The following ST18 variants were observed in gnomAD, a reference collection of about 807,000 sequenced individuals.
ST18 encodes the protein ST18 C2H2C-type zinc finger transcription factor.
Under a neutral mutation model 110.0 loss-of-function variants are expected in ST18, and 50 were observed. The ratio of observed to expected loss-of-function variants is 0.45; its 90% CI spans 0.36 to 0.58. The LOEUF (loss-of-function observed/expected upper bound fraction) is 0.58, where lower values mean the gene tolerates loss of function less well. ST18 is among the 20% of genes least tolerant of loss of function. ST18 has a pLI of 0.00. For missense variants in ST18, 1,306 were observed against 1,280.1 expected (o/e 1.02, Z -0.31); for synonymous variants, 461 against 452.4 (o/e 1.02, Z -0.24).
At position 52,266,130 on chromosome 8, in the gene ST18, T is replaced by C. The variant is rs150836101; in HGVS notation, c.-464-36053A>G. The stretch of plus-strand genomic sequence containing the variant: ...TAATGTGGTCAGATACTATTTAAAC[T>C]ATGCAAGAGCAGTTTTGGGAATGGT... On this transcript the variant is annotated intron_variant, in intron 2 of 25. Transcript: ENST00000689386. Among the ~76,000 whole-genome samples, 21 of 152,316 alleles carry C rather than the reference T, an allele frequency of 1.4e-4. 1 individual carries two copies. The highest frequency in any genetic ancestry group is 3.3e-4 in the Admixed American group (5 of 15,304).
chr8:52,374,593 T>C (rs2140692755), intron 2 of ST18, among the ~76,000 whole-genome samples: 1 of 152,212 alleles, frequency 6.6e-6, no homozygotes, highest in African/African-American at 2.4e-5. Flanking sequence ...CATAGGTAAA[T>C]GTGTGCCACA....
chr8:52,183,092 G>A (rs939093012), intron 8 of ST18, among the ~76,000 whole-genome samples: 5 of 152,098 alleles, frequency 3.3e-5, no homozygotes, highest in Admixed American at 2.6e-4. Flanking sequence ...CAAAGCTCAC[G>A]TCCTCTCCTC....
At chr8:52,331,840 G>A (rs1809572509) in intron 2 of ST18, among the ~76,000 whole-genome samples, 1 of 152,102 alleles carries the variant, frequency 6.6e-6, no homozygotes, top group African/African-American at 2.4e-5. Context: ...TTGATAATTG[G>A]AGCCAAATCT....
intron 2 of ST18, among the ~76,000 whole-genome samples, chr8:52,395,800 T>C (rs1245984414): frequency 6.6e-6 from 1 of 152,196 alleles, no homozygotes; most frequent in African/African-American, 2.4e-5. Flanking sequence ...AACCTAAATA[T>C]CTAATTTTAG....
chr8:52,216,310 C>T (rs932898484), intron 6 of ST18, among the ~76,000 whole-genome samples: 8 of 152,162 alleles, frequency 5.3e-5, no homozygotes, highest in African/African-American at 1.7e-4. Context: ...CATAAATATT[C>T]ATGGACCTCC....
At chr8:52,288,122 C>G (rs539439777) in intron 2 of ST18, among the ~76,000 whole-genome samples, 4 of 152,196 alleles carry the variant, frequency 2.6e-5, no homozygotes, top group Non-Finnish European at 4.4e-5. Context: ...CCCAGCCCTA[C>G]GCCTGATTCA....
intron 17 of ST18, among the ~76,000 whole-genome samples, chr8:52,140,008 G>A (rs1482102402): frequency 2.0e-5 from 3 of 152,210 alleles, no homozygotes; most frequent in African/African-American, 7.2e-5. Context: ...AGTTTTCTCA[G>A]TAAGTGGCAC....
At chr8:52,179,331 A>G (rs2068396646) in intron 9 of ST18, among the ~76,000 whole-genome samples, 1 of 152,240 alleles carries the variant, frequency 6.6e-6, no homozygotes, top group South Asian at 2.1e-4. Flanking sequence ...TTGAAACGTA[A>G]CTACTTTTCA....
chr8:52,281,277 A>G (rs2095371144), intron 2 of ST18, among the ~76,000 whole-genome samples: 1 of 152,148 alleles, frequency 6.6e-6, no homozygotes, highest in Non-Finnish European at 1.5e-5. Context: ...AATTTAGAAC[A>G]ACAAACAAGA....
chr8:52,343,081 G>C (rs1590080972), intron 2 of ST18, among the ~76,000 whole-genome samples: 1 of 152,086 alleles, frequency 6.6e-6, no homozygotes, highest in Non-Finnish European at 1.5e-5. Flanking sequence ...AAGCAAGCAG[G>C]TGCAGCGTTT....
intron 2 of ST18, among the ~76,000 whole-genome samples, chr8:52,384,505 A>G (rs1835792026): frequency 6.6e-6 from 1 of 152,002 alleles, no homozygotes; most frequent in Admixed American, 6.6e-5. Context: ...ACACACAAAC[A>G]CACACTCATA....
At chr8:52,344,784 T>C (rs1034378875) in intron 2 of ST18, among the ~76,000 whole-genome samples, 7 of 152,228 alleles carry the variant, frequency 4.6e-5, no homozygotes, top group African/African-American at 1.7e-4. Flanking sequence ...TAACATTTTG[T>C]AGTTAATATA....
At chr8:52,360,287 A>G (rs1384613572) in intron 2 of ST18, among the ~76,000 whole-genome samples, 1 of 152,134 alleles carries the variant, frequency 6.6e-6, no homozygotes, top group Non-Finnish European at 1.5e-5. Context: ...TTAAATACTT[A>G]GGTTGAACTT....
intron 8 of ST18, among the ~76,000 whole-genome samples, chr8:52,183,465 T>C (rs543951222): frequency 6.6e-6 from 1 of 152,348 alleles, no homozygotes; most frequent in South Asian, 2.1e-4. Flanking sequence ...TGTAAGGTTT[T>C]TATCAGAACT....
At chr8:52,130,119 A>AAAGAAAAGAAAGAAAGAAAGAAAGAAAG (rs67888949) in intron 22 of ST18, among the ~76,000 whole-genome samples, 5 of 105,236 alleles carry the variant, frequency 4.8e-5, no homozygotes, top group East Asian at 5.6e-4. Context: ...AGAAAGAAAG[A>AAAGAAAAGAAAGAAAGAAAGAAAGAAAG]AAAGAAAGAA....
At chr8:52,126,958 G>T (rs1011216778) in intron 22 of ST18, among the ~76,000 whole-genome samples, 3 of 152,100 alleles carry the variant, frequency 2.0e-5, no homozygotes, top group Non-Finnish European at 4.4e-5. Context: ...TAATTTTGTT[G>T]TTCTATCCAG....
chr8:52,144,243 C>T (rs1461384250), intron 16 of ST18, among the ~76,000 whole-genome samples: 1 of 151,956 alleles, frequency 6.6e-6, no homozygotes, highest in Non-Finnish European at 1.5e-5. Context: ...ATATTAAAAT[C>T]AGATGAACTA....
chr8:52,164,239 A>G, intron 12 of ST18, 149 bp from the exon 13 acceptor site: 1 of 677,204 alleles, frequency 1.5e-6, no homozygotes, highest in Non-Finnish European at 2.5e-6. Context: ...AAAGATCCCA[A>G]AGGGTTTTGC....
At chr8:52,156,806 T>C (rs1422675659) in intron 15 of ST18, among the ~76,000 whole-genome samples, 2 of 152,232 alleles carry the variant, frequency 1.3e-5, no homozygotes, top group African/African-American at 2.4e-5. Flanking sequence ...AGTGACAATC[T>C]AGGGCACGAT....
Sources: gnomAD v4.1 joint callset for allele counts (sites outside exome capture counted in the v4.1 genomes callset) on GRCh38, gnomAD v4.1.1 for gene constraint, MANE v1.5 for transcripts, NCBI Gene and HGNC (gene_info 2026-07-23, HGNC 2026-07-21) for gene names.